The following CNKSR1 variants were observed in gnomAD, a reference collection of about 807,000 sequenced individuals.
CNKSR1 encodes CNK homolog protein 1.
CNKSR1 carries 88 observed loss-of-function variants against 95.6 expected under a neutral mutation model. The ratio of observed to expected loss-of-function variants is 0.92; its 90% CI spans 0.78 to 1.10. CNKSR1 has a LOEUF of 1.10. Among genes scored for constraint, CNKSR1 ranks in the 50% least tolerant of loss-of-function variants. The pLI is 0.00. For missense variants in CNKSR1, 836 were observed against 912.0 expected (o/e 0.92, Z 1.07); for synonymous variants, 355 against 369.7 (o/e 0.96, Z 0.46).
chr1:26,180,926 C>G lies in CNKSR1; in HGVS notation c.392+30C>G. ...CCGGGTTGGGGTGACGAGTGAGGGA[C>G]TATTGTCATCCTTGGCCTCCTTCAG... On this transcript the variant is annotated intron_variant, in intron 3 of 20. Coordinates refer to ENST00000361530, the MANE Select transcript of CNKSR1 (RefSeq NM_006314.3). 1.9e-6 allele frequency: 3 copies of G among 1,613,614 alleles called. No homozygotes were observed. In the South Asian group the frequency reaches 3.3e-5, roughly 18 times the overall value.
chr1:26,180,340 A>C, intron 1 of CNKSR1, 113 bp from the exon 2 acceptor site: 1 of 1,308,330 alleles, frequency 7.6e-7, no homozygotes, highest in Non-Finnish European at 1.1e-6. Context: ...CCTGGGTGTC[A>C]GAGTTGTCAT....
intron 15 of CNKSR1, 84 bp from the exon 16 acceptor site, chr1:26,187,327 G>A: frequency 1.3e-6 from 2 of 1,597,088 alleles, no homozygotes; most frequent in East Asian, 2.2e-5. Flanking sequence ...GGTGTGGCAA[G>A]TGGCTGGGGC....
rs201939142 is a variant in CNKSR1, at chr1:26,185,068, C to T, written c.1190C>T (p.Pro397Leu). 5.0e-5 allele frequency: 81 copies of T among 1,605,402 alleles called. No individual in the cohort carries two copies. The highest frequency in any genetic ancestry group is 3.4e-4 in the Middle Eastern group (2 of 5,922). Residue 397 changes from proline (P) to leucine (L), a missense_variant, in exon 14 of 21, where the codon CCG becomes CTG. Physicochemically the swap from Pro to Leu is moderately conservative, Grantham distance 98. Transcript: ENST00000361530. ...GTGTCATGCCGTGAGCTGGGCCGGC[C>T]GGACTGTGACGGCTGGCTCCTGTTG... Reference protein sequence around the residue: ...RRVSCRELGRPDCDGWLLLRK... With the variant: ...RRVSCRELGRLDCDGWLLLRK...
intron 15 of CNKSR1, 58 bp from the exon 16 acceptor site, chr1:26,187,353 T>G (rs1433953207): frequency 2.4e-5 from 39 of 1,600,674 alleles, no homozygotes; most frequent in Non-Finnish European, 3.3e-5. Flanking sequence ...GAATCCAGCC[T>G]CTCTGGGCTG....
At chr1:26,187,125 G>T (rs1204171239) in intron 14 of CNKSR1, 43 bp from the exon 15 acceptor site, 3 of 1,510,970 alleles carry the variant, frequency 2.0e-6, no homozygotes, top group African/African-American at 2.8e-5. Flanking sequence ...GGCCTTGAGG[G>T]TATTGGGGTT....
chr1:26,183,781 G>A lies in CNKSR1; in HGVS notation c.806G>A (p.Gly269Glu). The change falls in exon 9 of 21, where the codon GGA becomes GAA. Residue 269 changes from glycine to glutamate, a missense_variant. Transcript: ENST00000361530. ...MVRELLREPAGLSLVLKKIPI... is the reference protein window; with the variant it reads ...MVRELLREPAELSLVLKKIPI... ...AGGGAACTGCTGCGGGAGCCAGCCG[G>A]ACTCAGCTTAGTGCTGAAGAAGATC... 1 of 1,613,612 alleles carries A rather than the reference G, an allele frequency of 6.2e-7. No individual in the cohort carries two copies. The highest frequency in any genetic ancestry group is 2.2e-5 in the East Asian group (1 of 44,854).
chr1:26,188,766 C>G lies in CNKSR1; in HGVS notation c.1691-6C>G. The stretch of plus-strand genomic sequence containing the variant: ...CACATCCTCATCCTGCTCTTCCCTC[C>G]CACAGACAGCAGTGAAGAGGCACTG... On this transcript the variant is annotated splice_region_variant and splice_polypyrimidine_tract_variant and intron_variant, in intron 19 of 20. Transcript: ENST00000361530. 6.2e-7 allele frequency: 1 copy of G among 1,609,670 alleles called. No homozygotes were observed.
Position 26,183,216 on chromosome 1 carries a change from C to A in CNKSR1, c.644C>A (p.Thr215Asn). 1.9e-6 allele frequency: 3 copies of A among 1,614,022 alleles called. No homozygotes were observed. The highest frequency in any genetic ancestry group is 2.5e-6 in the Non-Finnish European group (3 of 1,180,012). Reference protein sequence around the residue: ...DSPLGLEIHTTSNCQHFVSQV... With the variant: ...DSPLGLEIHTNSNCQHFVSQV... Reference sequence around the variant, plus strand: ...CTGCAGGGCCTAGAAATTCACACCACCAGCAATTGCCAGCACTTTGTGTCC... The same window carrying A: ...CTGCAGGGCCTAGAAATTCACACCAACAGCAATTGCCAGCACTTTGTGTCC... Residue 215 changes from threonine to asparagine, a missense_variant, in exon 7 of 21, where the codon ACC (threonine) becomes AAC (asparagine). Coordinates refer to ENST00000361530, the MANE Select transcript of CNKSR1 (RefSeq NM_006314.3).
In CNKSR1 at chr1:26,184,259, C is replaced by T. The variant is rs2088703787; in HGVS notation, c.972C>T (p.Pro324=). The part of the protein sequence containing the change: ...DVFAFDLSSN[P]SPGPSPAWTD... ...TTGCCTTTGACCTGTCTTCAAACCC[C>T]AGTCCCGGACCCAGCCCTGCCTGGA... is the stretch of plus-strand genomic sequence containing the variant. Residue 324 remains proline, a synonymous_variant, in exon 11 of 21, where the codon CCC becomes CCT. Coordinates refer to ENST00000361530, the MANE Select transcript of CNKSR1 (RefSeq NM_006314.3). 3 of 1,613,718 alleles carry T rather than the reference C, an allele frequency of 1.9e-6. No homozygotes were observed. Among genetic ancestry groups the T allele is most frequent in the Non-Finnish European group, 2.5e-6 (3 of 1,179,992 alleles).
intron 17 of CNKSR1, 37 bp downstream of exon 17, chr1:26,188,344 ACCT>A: frequency 6.2e-7 from 1 of 1,611,984 alleles, no homozygotes; most frequent in Non-Finnish European, 8.5e-7. Flanking sequence ...AGGAACCCTC[ACCT>A]GAGCCTGTGC....
rs115982258 is a variant in CNKSR1 at position 26,183,845 on chromosome 1, C to T, written c.855+15C>T. 166,454 of 1,118,432 alleles carry T rather than the reference C, an allele frequency of 0.15. 11,934 individuals are homozygous for T. Among genetic ancestry groups the T allele is most frequent in the South Asian group, 0.22 (17,785 of 80,358 alleles). The allele number at this position is 1,118,432 out of a possible 1,614,324, so 69.3% of individuals were successfully genotyped here. A position where few individuals can be genotyped will look rare whatever the true frequency, so the allele number is the denominator to read the frequency against. On this transcript the variant is annotated intron_variant, in intron 9 of 20. Coordinates refer to ENST00000361530, the MANE Select transcript of CNKSR1 (RefSeq NM_006314.3). ...CCCCCCCACAGGTACCTTCCCCTGC[C>T]GCCCCCCGACCTGCCTTCAGACCCC... is the stretch of plus-strand genomic sequence containing the variant.
chr1:26,180,351 T>C lies in CNKSR1; in HGVS notation c.53-102T>C, dbSNP rs1453220305. 1.9e-5 allele frequency: 27 copies of C among 1,423,512 alleles called. No homozygotes were observed. In the East Asian group the frequency reaches 5.7e-4, roughly 30 times the overall value. 88.2% of individuals were successfully genotyped at this position (1,423,512 alleles called of 1,614,324 possible). ...ACAGCCTGGGTGTCAGAGTTGTCATTAGGGTTAGACTAGAGGGAAAAGAGC... is the reference window on the plus strand; with the variant it reads ...ACAGCCTGGGTGTCAGAGTTGTCATCAGGGTTAGACTAGAGGGAAAAGAGC... On this transcript the variant is annotated intron_variant, in intron 1 of 20. Transcript: ENST00000361530.
chr1:26,189,762 C>T lies in CNKSR1; in HGVS notation c.*214C>T. 1 of 698,584 alleles carries T rather than the reference C, an allele frequency of 1.4e-6. No homozygotes were observed. The highest frequency in any genetic ancestry group is 2.6e-6 in the Non-Finnish European group (1 of 383,986). The allele number at this position is 698,584 out of a possible 1,614,324, so 43.3% of individuals were successfully genotyped here. On this transcript the variant is annotated 3_prime_UTR_variant, in exon 21 of 21. Transcript: ENST00000361530. Reference sequence around the variant, plus strand: ...ACTCTCCCCCCAAATCCTCCAACCTCTGGGGCCACAGCCCTGCCCCTCCAG... The same window carrying T: ...ACTCTCCCCCCAAATCCTCCAACCTTTGGGGCCACAGCCCTGCCCCTCCAG...
chr1:26,179,601 G>C (rs1229586024), intron 1 of CNKSR1, among the ~76,000 whole-genome samples: 3 of 152,144 alleles, frequency 2.0e-5, no homozygotes, highest in African/African-American at 7.2e-5. Context: ...ATTATTGGCT[G>C]TCTCCCACGA....
intron 1 of CNKSR1, among the ~76,000 whole-genome samples, chr1:26,178,478 C>T (rs2088597140): frequency 6.6e-6 from 1 of 152,302 alleles, no homozygotes; most frequent in African/African-American, 2.4e-5. Context: ...GGAAGCAACA[C>T]ACCCCACAGG....
chr1:26,183,867 C>A, intron 9 of CNKSR1, 37 bp downstream of exon 9: 3 of 543,530 alleles, frequency 5.5e-6, no homozygotes, highest in East Asian at 7.3e-5. Context: ...TGCCTTCAGA[C>A]CCCCCCCTCC....
In CNKSR1 at chr1:26,188,512, G is replaced by A. The variant is rs758324866; in HGVS notation, c.1590+9G>A. On this transcript the variant is annotated intron_variant, in intron 18 of 20. Transcript: ENST00000361530. ...GGTCCCACTCAGCCTCGGTGAGTGGGGGGCTGCCGGGGGTAGGAGGTGGGG... is the reference window on the plus strand; with the variant it reads ...GGTCCCACTCAGCCTCGGTGAGTGGAGGGCTGCCGGGGGTAGGAGGTGGGG... The A allele has an allele frequency of 1.4e-5, 23 of 1,600,584 alleles. No individual in the cohort carries two copies. In the Admixed American group the frequency reaches 3.1e-4, roughly 22 times the overall value.
intron 16 of CNKSR1, 144 bp downstream of exon 16, chr1:26,187,626 T>C (rs1416229494): frequency 2.7e-6 from 2 of 730,830 alleles, no homozygotes; most frequent in Non-Finnish European, 4.5e-6. Context: ...TTCTCTTTTT[T>C]TTTTTTTTTT....
chr1:26,188,141 G>A (rs1419735952), intron 16 of CNKSR1, 93 bp from the exon 17 acceptor site: 8 of 1,053,228 alleles, frequency 7.6e-6, no homozygotes, highest in Non-Finnish European at 1.2e-5. Context: ...GTTGCTCTGA[G>A]GATCATTAGA....
Sources: gnomAD v4.1 joint callset for allele counts (sites outside exome capture counted in the v4.1 genomes callset) on GRCh38, gnomAD v4.1.1 for gene constraint, MANE v1.5 for transcripts, NCBI Gene and HGNC (gene_info 2026-07-23, HGNC 2026-07-21) for gene names.